CAMTA1: variants seen among roughly 807,000 people sequenced by gnomAD.
CAMTA1 encodes the protein calmodulin binding transcription activator 1, also known as calmodulin-binding transcription activator 1.
A neutral mutation model predicts 170.9 loss-of-function variants in CAMTA1; 27 were observed. The ratio of observed to expected loss-of-function variants is 0.16; its 90% CI spans 0.12 to 0.22. The LOEUF is 0.22. CAMTA1 is among the 10% of genes least tolerant of loss of function. The pLI is 1.00. For synonymous variants in CAMTA1, 833 were observed against 891.5 expected (o/e 0.93, Z 1.17); for missense variants, 1,619 against 2,217.2 (o/e 0.73, Z 5.42).
At chr1:7,584,811 G>A (rs553373489) in intron 6 of CAMTA1, among the ~76,000 whole-genome samples, 2 of 152,304 alleles carry the variant, frequency 1.3e-5, no homozygotes, top group South Asian at 4.1e-4. Context: ...CACAGCTGAG[G>A]GTGGGGCTGC....
intron 6 of CAMTA1, among the ~76,000 whole-genome samples, chr1:7,515,386 C>T (rs945647956): frequency 1.3e-5 from 2 of 152,196 alleles, no homozygotes; most frequent in African/African-American, 2.4e-5. Context: ...GATTCCTGTC[C>T]GGGCTCTGCC....
At chr1:6,875,002 G>C (rs1405973731) in intron 3 of CAMTA1, among the ~76,000 whole-genome samples, 1 of 152,100 alleles carries the variant, frequency 6.6e-6, no homozygotes, top group African/African-American at 2.4e-5. Flanking sequence ...TTCATCCCAG[G>C]GCTTTCCATA....
chr1:6,873,729 T>A (rs981912040), intron 3 of CAMTA1, among the ~76,000 whole-genome samples: 3 of 152,272 alleles, frequency 2.0e-5, no homozygotes, highest in African/African-American at 7.2e-5. Context: ...ACCTCATTTT[T>A]CTAAGAGAGC....
At chr1:7,755,167 G>C (rs1163287923) in intron 21 of CAMTA1, among the ~76,000 whole-genome samples, 1 of 151,550 alleles carries the variant, frequency 6.6e-6, no homozygotes, top group Non-Finnish European at 1.5e-5. Context: ...CTCTACTAAA[G>C]ATACAAAAAA....
rs1185447247 is a variant in CAMTA1, at chr1:7,562,970, C to T, written c.511-77430C>T. On this transcript the variant is annotated intron_variant, in intron 6 of 22. Coordinates refer to ENST00000303635, the MANE Select transcript of CAMTA1 (RefSeq NM_015215.4). This position sits in a 1 kb window ranked among gnomAD's most constrained non-coding sequence, Gnocchi z 4.8. ...CCTTGAATCTGGATTTGGTTGGGGG[C>T]TGTGAGGCCCATCACAGAGGTGCTT... Among the ~76,000 whole-genome samples, 1 of 152,208 alleles carries T rather than the reference C, an allele frequency of 6.6e-6. No homozygotes were observed.
intron 5 of CAMTA1, among the ~76,000 whole-genome samples, chr1:7,453,109 A>C (rs2092868095): frequency 6.6e-6 from 1 of 152,228 alleles, no homozygotes; most frequent in African/African-American, 2.4e-5. Flanking sequence ...ACCCTAGGGG[A>C]AGCTTTGGAG....
At position 7,283,913 on chromosome 1, in the gene CAMTA1, C is replaced by T. The variant is rs112342693; in HGVS notation, c.438+34287C>T. 7.4e-3 allele frequency among the ~76,000 whole-genome samples: 1,121 copies of T among 152,242 alleles called. 11 individuals carry two copies. The highest frequency in any genetic ancestry group is 0.025 in the African/African-American group (1,027 of 41,526). On this transcript the variant is annotated intron_variant, in intron 5 of 22. Coordinates refer to ENST00000303635, the MANE Select transcript of CAMTA1 (RefSeq NM_015215.4). ...GTGCAGACCCCATCAGTCCCTGCTCCGTTCTTAGGGTGAGATTTGTGGCTC... is the reference window on the plus strand; with the variant it reads ...GTGCAGACCCCATCAGTCCCTGCTCTGTTCTTAGGGTGAGATTTGTGGCTC...
At chr1:6,909,489 C>G (rs1035180147) in intron 3 of CAMTA1, among the ~76,000 whole-genome samples, 1 of 152,134 alleles carries the variant, frequency 6.6e-6, no homozygotes, top group Non-Finnish European at 1.5e-5. Flanking sequence ...CAGGTTGGGG[C>G]GGGGGGCCTC....
At chr1:7,061,689 T>C (rs1385279817) in intron 3 of CAMTA1, among the ~76,000 whole-genome samples, 1 of 26,654 alleles carries the variant, frequency 3.8e-5, no homozygotes, top group Non-Finnish European at 7.5e-5. Flanking sequence ...AGGGTGGGTT[T>C]GGTGGGGTGG....
intron 3 of CAMTA1, among the ~76,000 whole-genome samples, chr1:6,843,208 T>C (rs1656605895): frequency 6.6e-6 from 1 of 152,202 alleles, no homozygotes; most frequent in Non-Finnish European, 1.5e-5. Context: ...ATGTGGGAAT[T>C]ATTTTTTCTT....
At chr1:7,563,329 G>A (rs1233897545) in intron 6 of CAMTA1, among the ~76,000 whole-genome samples, 1 of 152,202 alleles carries the variant, frequency 6.6e-6, no homozygotes, top group Non-Finnish European at 1.5e-5. Flanking sequence ...GGATGGGGGT[G>A]GGTCTGTGGA....
chr1:7,224,600 C>T lies in CAMTA1; in HGVS notation c.303-24891C>T, dbSNP rs567643589. 6.6e-6 allele frequency among the ~76,000 whole-genome samples: 1 copy of T among 152,306 alleles called. No individual in the cohort carries two copies. Among genetic ancestry groups the T allele is most frequent in the African/African-American group, 2.4e-5 (1 of 41,566 alleles). ...CATCGTTTTGTACAGGAGCACAAAA[C>T]TCATGAATTCCGTCCCTGCTCAAGC... On this transcript the variant is annotated intron_variant, in intron 4 of 22. Transcript: ENST00000303635. This position sits in a 1 kb window ranked among gnomAD's most constrained non-coding sequence, Gnocchi z 5.2.
chr1:7,013,649 T>C (rs115221427), intron 3 of CAMTA1, among the ~76,000 whole-genome samples: 2,076 of 151,864 alleles, frequency 0.014, 41 homozygotes, highest in African/African-American at 0.047. Context: ...GTGGCAGAGG[T>C]GGAGTCAGGG....
intron 5 of CAMTA1, among the ~76,000 whole-genome samples, chr1:7,345,613 G>T (rs1265922601): frequency 1.3e-5 from 2 of 152,158 alleles, no homozygotes; most frequent in African/African-American, 2.4e-5. Context: ...ATTCTTTGGG[G>T]TGCCAGTCCT....
rs912187620 is a variant in CAMTA1 at position 7,634,851 on chromosome 1, C to T, written c.511-5549C>T. ...GGCCTCTGTCTCTCCTGACGACATT[C>T]CAGCTGTTCCGAGGCCTGACCCTGC... On this transcript the variant is annotated intron_variant, in intron 6 of 22. Coordinates refer to ENST00000303635, the MANE Select transcript of CAMTA1 (RefSeq NM_015215.4). This position sits in a 1 kb window ranked among gnomAD's most constrained non-coding sequence, Gnocchi z 6.2. Among the ~76,000 whole-genome samples the T allele has an allele frequency of 1.3e-5, 2 of 152,238 alleles. No homozygotes were observed. Among genetic ancestry groups the T allele is most frequent in the East Asian group, 3.9e-4 (2 of 5,168 alleles).
In CAMTA1 at chr1:7,113,517, C is replaced by T. The variant is rs995628221; in HGVS notation, c.302+22146C>T. On this transcript the variant is annotated intron_variant, in intron 4 of 22. Transcript: ENST00000303635. This position sits in a 1 kb window ranked among gnomAD's most constrained non-coding sequence, Gnocchi z 4.5. ...AATGGAGAGGGAGGAAGGAGGGTCT[C>T]GGGCAAGACCTCCCCCAACAGGCAG... 4.6e-5 allele frequency among the ~76,000 whole-genome samples: 7 copies of T among 152,158 alleles called. No homozygotes were observed. The highest frequency in any genetic ancestry group is 2.1e-4 in the South Asian group (1 of 4,826).
intron 1 of CAMTA1, among the ~76,000 whole-genome samples, chr1:6,817,522 A>G (rs1476710288): frequency 1.3e-5 from 2 of 152,222 alleles, no homozygotes; most frequent in African/African-American, 4.8e-5. Context: ...GCTCACAGTC[A>G]TGGGTAGAAA....
chr1:7,240,742 G>A (rs1664718412), intron 4 of CAMTA1, among the ~76,000 whole-genome samples: 1 of 152,100 alleles, frequency 6.6e-6, no homozygotes, highest in South Asian at 2.1e-4. Flanking sequence ...ATGAGCTCAA[G>A]CAATCTGCCC....
intron 3 of CAMTA1, among the ~76,000 whole-genome samples, chr1:6,844,708 A>T (rs1657328924): frequency 6.6e-6 from 1 of 151,000 alleles, no homozygotes; most frequent in African/African-American, 2.4e-5. Context: ...AAAAAAAAAA[A>T]AAAAAAGTTT....
Sources: gnomAD v4.1 joint callset for allele counts (sites outside exome capture counted in the v4.1 genomes callset) on GRCh38, gnomAD v4.1.1 for gene constraint, Gnocchi (gnomAD v3.1) non-coding constraint, MANE v1.5 for transcripts, NCBI Gene and HGNC (gene_info 2026-07-23, HGNC 2026-07-21) for gene names.